Variants in CAB39 observed in about 807,000 individuals in gnomAD.
CAB39 encodes the protein calcium-binding protein 39.
In CAB39, 8 loss-of-function variants were observed where a neutral mutation model predicts 40.0. The ratio of observed to expected loss-of-function variants is 0.20; its 90% confidence interval spans 0.12 to 0.36. The LOEUF is 0.36. CAB39 is among the 10% of genes least tolerant of loss of function. The pLI, the probability that CAB39 is intolerant of heterozygous loss-of-function variation, is 1.00. For missense variants in CAB39, 270 were observed against 401.1 expected (o/e 0.67, Z 2.79); for synonymous variants, 156 against 141.6 (o/e 1.10, Z -0.72).
At chr2:230,780,400 T>C (rs1374842178) in intron 2 of CAB39, among the ~76,000 whole-genome samples, 1 of 152,218 alleles carries the variant, frequency 6.6e-6, no homozygotes, top group African/African-American at 2.4e-5. Context: ...TCAAGTTTCA[T>C]CAGTTGTCCT....
intron 1 of CAB39, among the ~76,000 whole-genome samples, chr2:230,733,418 A>G (rs961272578): frequency 6.6e-6 from 1 of 152,108 alleles, no homozygotes; most frequent in East Asian, 1.9e-4. Context: ...CTGGAGCTGT[A>G]GCATTCCTTC....
At chr2:230,742,267 C>T (rs1056451780) in intron 1 of CAB39, among the ~76,000 whole-genome samples, 13 of 152,034 alleles carry the variant, frequency 8.6e-5, no homozygotes, top group African/African-American at 7.2e-5. Flanking sequence ...CTCCGTCTCC[C>T]GGGTTCACGC....
chr2:230,810,276 G>C lies in CAB39; in HGVS notation c.581G>C (p.Arg194Thr). Residue 194 changes from arginine (R) to threonine (T), a missense_variant, in exon 6 of 9, where the codon AGA becomes ACA. Physicochemically the swap from Arg to Thr is moderately conservative, Grantham distance 71. Coordinates refer to ENST00000258418, the MANE Select transcript of CAB39 (RefSeq NM_016289.4). ...TTCTTTTTGTAGGATTTACTTACAA[G>C]ACATAAATTGCTCAGTGCAGAATTT... Reference protein sequence around the residue: ...AFATFKDLLTRHKLLSAEFLE... With the variant: ...AFATFKDLLTTHKLLSAEFLE... The C allele has an allele frequency of 6.9e-7, 1 of 1,445,740 alleles. No individual in the cohort carries two copies. The highest frequency in any genetic ancestry group is 9.5e-7 in the Non-Finnish European group (1 of 1,055,044). The allele number at this position is 1,445,740 out of a possible 1,614,324, so 89.6% of individuals were successfully genotyped here.
intron 1 of CAB39, 134 bp from the exon 2 acceptor site, chr2:230,759,825 C>T (rs923662379): frequency 2.1e-6 from 1 of 475,254 alleles, no homozygotes; most frequent in Non-Finnish European, 3.8e-6. Context: ...GTGGATTTCC[C>T]TGTTCCTACT....
chr2:230,747,406 TTTCCTCTGTAGATATTC>T (rs1694994936), intron 1 of CAB39, among the ~76,000 whole-genome samples: 2 of 152,226 alleles, frequency 1.3e-5, no homozygotes, highest in Admixed American at 1.3e-4. Context: ...CATGGAACTG[TTTCCTCTGTAGATATTC>T]TTCCTCTTAC....
At chr2:230,714,951 A>G (rs1694322900) in intron 1 of CAB39, among the ~76,000 whole-genome samples, 1 of 152,252 alleles carries the variant, frequency 6.6e-6, no homozygotes, top group African/African-American at 2.4e-5. Context: ...GCTTTTCAAA[A>G]TAATACATGA....
At chr2:230,783,313 A>G (rs1300132957) in intron 2 of CAB39, among the ~76,000 whole-genome samples, 1 of 151,968 alleles carries the variant, frequency 6.6e-6, no homozygotes, top group African/African-American at 2.4e-5. Context: ...CAGTGCTGTA[A>G]CTCTTTGTTA....
chr2:230,759,228 C>G (rs1035738484), intron 1 of CAB39, among the ~76,000 whole-genome samples: 21 of 152,254 alleles, frequency 1.4e-4, no homozygotes, highest in African/African-American at 4.8e-4. Flanking sequence ...TTCTCTCTAG[C>G]TCTGAGACCC....
chr2:230,753,132 CAGGAA>C (rs1227079425), intron 1 of CAB39, among the ~76,000 whole-genome samples: 1 of 151,966 alleles, frequency 6.6e-6, no homozygotes, highest in Non-Finnish European at 1.5e-5. Flanking sequence ...TAAATAGATG[CAGGAA>C]AGGAAAGGGC....
intron 1 of CAB39, among the ~76,000 whole-genome samples, chr2:230,739,590 G>A (rs1333728813): frequency 6.6e-6 from 1 of 152,200 alleles, no homozygotes; most frequent in East Asian, 1.9e-4. Flanking sequence ...CGCCTCCCGG[G>A]TTCAAGCGAT....
intron 2 of CAB39, among the ~76,000 whole-genome samples, chr2:230,776,735 G>C (rs190987456): frequency 7.5e-4 from 113 of 151,582 alleles, no homozygotes; most frequent in African/African-American, 2.6e-3. Flanking sequence ...CTGTCACCCA[G>C]GCTGGCATGC....
chr2:230,715,098 T>C (rs371730648), intron 1 of CAB39, among the ~76,000 whole-genome samples: 1 of 152,220 alleles, frequency 6.6e-6, no homozygotes. Flanking sequence ...TATTTTTTCT[T>C]TGCATAATGA....
intron 1 of CAB39, among the ~76,000 whole-genome samples, chr2:230,724,702 C>CTAA (rs1388868352): frequency 6.8e-5 from 7 of 103,230 alleles, no homozygotes; most frequent in African/African-American, 3.3e-4. Flanking sequence ...CACACGCTCA[C>CTAA]CAAAAAAAAA....
intron 2 of CAB39, among the ~76,000 whole-genome samples, chr2:230,778,854 A>T (rs1695640146): frequency 6.6e-6 from 1 of 152,148 alleles, no homozygotes; most frequent in Non-Finnish European, 1.5e-5. Context: ...CACAATGGCA[A>T]GTATTTGTTT....
chr2:230,743,941 A>T (rs1161922904), intron 1 of CAB39, among the ~76,000 whole-genome samples: 4 of 140,928 alleles, frequency 2.8e-5, no homozygotes, highest in African/African-American at 8.1e-5. Flanking sequence ...TTTTTTTAAG[A>T]TGGAGTCTCG....
intron 1 of CAB39, among the ~76,000 whole-genome samples, chr2:230,722,494 G>A (rs1045195034): frequency 6.6e-6 from 1 of 152,148 alleles, no homozygotes; most frequent in African/African-American, 2.4e-5. Context: ...AAAGCTCAGT[G>A]TAGAGATGAG....
chr2:230,717,763 T>G (rs1376501583), intron 1 of CAB39, among the ~76,000 whole-genome samples: 1 of 152,188 alleles, frequency 6.6e-6, no homozygotes, highest in Non-Finnish European at 1.5e-5. Context: ...CTCACTGAGC[T>G]TCCCAGTCCC....
chr2:230,781,719 G>A (rs1231127250), intron 2 of CAB39, among the ~76,000 whole-genome samples: 1 of 152,230 alleles, frequency 6.6e-6, no homozygotes, highest in African/African-American at 2.4e-5. Flanking sequence ...TAGGAGATGA[G>A]AAGGATGTGG....
At chr2:230,789,286 T>C (rs1301192329) in intron 2 of CAB39, among the ~76,000 whole-genome samples, 3 of 152,244 alleles carry the variant, frequency 2.0e-5, no homozygotes, top group African/African-American at 4.8e-5. Context: ...GATAACTATT[T>C]GTAGTTGTAG....
Sources: allele counts gnomAD v4.1 joint callset (sites outside exome capture counted in the v4.1 genomes callset), GRCh38; gene constraint gnomAD v4.1.1; transcripts MANE v1.5; gene names NCBI Gene and HGNC (gene_info 2026-07-23, HGNC 2026-07-21).